NINL: variants seen among roughly 807,000 people sequenced by gnomAD.
NINL encodes ninein like, also known as ninein-like protein.
Under a neutral mutation model 160.3 loss-of-function variants are expected in NINL, and 153 were observed. The observed-to-expected ratio is 0.95, with a 90% confidence interval of 0.84 to 1.09. The LOEUF is 1.09. Ranked by LOEUF, NINL falls within the 50% of genes least tolerant of loss-of-function variation. The pLI, the probability that NINL is intolerant of heterozygous loss-of-function variation, is 0.00. For synonymous variants in NINL, 800 were observed against 734.8 expected (o/e 1.09, Z -1.43); for missense variants, 1,829 against 1,764.0 (o/e 1.04, Z -0.66).
rs2064360834 is a variant in NINL at position 25,526,418 on chromosome 20, T to C, written c.170A>G (p.His57Arg). ...VLLQTLLGND[H>R]FARVNFEEFK... ...AAGTCCAACACTCACCCTGGCGAAATGGTCGTTTCCGAGAAGCGTCTGCAG... is the reference window on the plus strand; with the variant it reads ...AAGTCCAACACTCACCCTGGCGAAACGGTCGTTTCCGAGAAGCGTCTGCAG... The change falls in exon 2 of 24, where the codon CAT (histidine) becomes CGT (arginine). Residue 57 changes from histidine (H) to arginine (R), a missense_variant. Transcript: ENST00000278886. The C allele has an allele frequency of 6.2e-7, 1 of 1,610,732 alleles. No homozygotes were observed. Among genetic ancestry groups the C allele is most frequent in the African/African-American group, 1.3e-5 (1 of 74,874 alleles).
At position 25,482,048 on chromosome 20, in the gene NINL, GCCCACAGGCCTT is replaced by G. The variant is rs748563439; in HGVS notation, c.1718_1729del (p.Glu573_Trp576del). On this transcript the variant is annotated inframe_deletion, in exon 14 of 24. Coordinates refer to ENST00000278886, the MANE Select transcript of NINL (RefSeq NM_025176.6). ...GCTGTGCCGGTTCTTGGGCAGCCGC[GCCCACAGGCCTT>G]CCAGCTCAGCTTGCAGCTCATCGTT... The G allele has an allele frequency of 6.9e-5, 111 of 1,598,396 alleles. No homozygotes were observed. Among genetic ancestry groups the G allele is most frequent in the Non-Finnish European group, 8.5e-5 (100 of 1,179,756 alleles).
chr20:25,558,325 A>G (rs2064893699), intron 1 of NINL, among the ~76,000 whole-genome samples: 1 of 152,104 alleles, frequency 6.6e-6, no homozygotes, highest in Non-Finnish European at 1.5e-5. Flanking sequence ...CTCCTGCCTC[A>G]GCCTCCCAAG....
intron 1 of NINL, among the ~76,000 whole-genome samples, chr20:25,555,291 A>G (rs1222084328): frequency 3.9e-5 from 6 of 152,092 alleles, no homozygotes; most frequent in Admixed American, 3.3e-4. Flanking sequence ...CCCCACAACA[A>G]AGCAGCCCAT....
Position 25,512,332 on chromosome 20 carries a change from A to G in NINL, c.450+502T>C, listed in dbSNP as rs557727970. On this transcript the variant is annotated intron_variant, in intron 4 of 23. Transcript: ENST00000278886. ...TTCTTCCCTTTTCTACTCTTAGCAC[A>G]TTGACGCTTCACTCCCATGAAGCCA... 3.9e-5 allele frequency among the ~76,000 whole-genome samples: 6 copies of G among 152,294 alleles called. No homozygotes were observed. The East Asian group carries it at 1.2e-3, about 29-fold the overall frequency.
intron 14 of NINL, among the ~76,000 whole-genome samples, chr20:25,480,697 C>A (rs1229832319): frequency 6.6e-6 from 1 of 152,160 alleles, no homozygotes; most frequent in Non-Finnish European, 1.5e-5. Flanking sequence ...TTTAGATAAC[C>A]TTTCCTTGGT....
At position 25,555,725 on chromosome 20, in the gene NINL, T is replaced by C. The variant is rs547451496; in HGVS notation, c.-11-29127A>G. On this transcript the variant is annotated intron_variant, in intron 1 of 23. Coordinates refer to ENST00000278886, the MANE Select transcript of NINL (RefSeq NM_025176.6). The stretch of plus-strand genomic sequence containing the variant: ...CTATCTTCCCTATTGCCCAGGCTGG[T>C]GTGCAATGGCACAATCTGGGCTCAC... 4.6e-5 allele frequency among the ~76,000 whole-genome samples: 7 copies of C among 152,142 alleles called. No individual in the cohort carries two copies. The East Asian group carries it at 1.4e-3, about 30-fold the overall frequency.
At chr20:25,500,056 T>TC (rs1464857718) in intron 8 of NINL, among the ~76,000 whole-genome samples, 4 of 147,608 alleles carry the variant, frequency 2.7e-5, no homozygotes, top group African/African-American at 1.0e-4. Flanking sequence ...TGTCGCCCCC[T>TC]CCAGGGAATA....
At position 25,453,465 on chromosome 20, in the gene NINL, C is replaced by T. The variant is rs1172991888; in HGVS notation, c.4135G>A (p.Ala1379Thr). The T allele has an allele frequency of 2.5e-6, 4 of 1,609,940 alleles. No homozygotes were observed. The highest frequency in any genetic ancestry group is 1.1e-5 in the South Asian group (1 of 90,500). The change falls in exon 24 of 24, where the codon GCC becomes ACC. Residue 1379 changes from alanine (A) to threonine (T), a missense_variant. By Grantham distance (58) the Ala-to-Thr change is moderately conservative. Coordinates refer to ENST00000278886, the MANE Select transcript of NINL (RefSeq NM_025176.6). ...NKLVSRIAPA[A>T]LSV is the part of the protein sequence containing the mutation. ...ATAATCTGTCTTTACACAGAGAGGG[C>T]TGCGGGGGCAATCCTACTGACGAGT...
At chr20:25,570,413 G>A (rs2147167845) in intron 1 of NINL, among the ~76,000 whole-genome samples, 1 of 152,154 alleles carries the variant, frequency 6.6e-6, no homozygotes, top group Non-Finnish European at 1.5e-5. Flanking sequence ...AAAGGCATGT[G>A]GCACCTCCTC....
At chr20:25,518,954 C>T (rs1008629171) in intron 2 of NINL, among the ~76,000 whole-genome samples, 2 of 151,932 alleles carry the variant, frequency 1.3e-5, no homozygotes, top group South Asian at 2.1e-4. Flanking sequence ...AAAAATTAGC[C>T]GGGCATGCTG....
At chr20:25,455,854 A>T in intron 22 of NINL, 68 bp from the exon 23 acceptor site, 1 of 1,326,862 alleles carries the variant, frequency 7.5e-7, no homozygotes, top group Non-Finnish European at 1.1e-6. Context: ...GCACTTTGGG[A>T]GGCCGAGGCG....
chr20:25,566,103 C>T (rs2064997571), intron 1 of NINL, among the ~76,000 whole-genome samples: 1 of 152,208 alleles, frequency 6.6e-6, no homozygotes, highest in Non-Finnish European at 1.5e-5. Flanking sequence ...GTCAGTTCTC[C>T]TAACACATCC....
At chr20:25,525,482 T>C (rs2064340791) in intron 2 of NINL, among the ~76,000 whole-genome samples, 2 of 151,972 alleles carry the variant, frequency 1.3e-5, no homozygotes, top group South Asian at 2.1e-4. Context: ...CAAAACCCCA[T>C]CTCTACAAAA....
At chr20:25,531,171 G>C (rs1034491363) in intron 1 of NINL, among the ~76,000 whole-genome samples, 3 of 152,184 alleles carry the variant, frequency 2.0e-5, no homozygotes, top group African/African-American at 4.8e-5. Context: ...GAGAAATATG[G>C]CTCTGTTCTG....
In NINL at chr20:25,476,496, C is replaced by T. The variant is rs1263436853; in HGVS notation, c.2795G>A (p.Gly932Glu). The change falls in exon 17 of 24, where the codon GGG (glycine) becomes GAG (glutamate). Residue 932 changes from glycine (G) to glutamate (E), a missense_variant. Physicochemically the swap from Gly to Glu is moderately conservative, Grantham distance 98. Coordinates refer to ENST00000278886, the MANE Select transcript of NINL (RefSeq NM_025176.6). The part of the protein sequence containing the change: ...EPEPFGASAA[G>E]LEQPGARELP... ...CTCCCGGGCTCCAGGCTGCTCCAGC[C>T]CCGCTGCGCTCGCGCCGAAAGGCTC... is the stretch of plus-strand genomic sequence containing the variant. 2 of 1,604,282 alleles carry T rather than the reference C, an allele frequency of 1.2e-6. No individual in the cohort carries two copies. Among genetic ancestry groups the T allele is most frequent in the Non-Finnish European group, 1.7e-6 (2 of 1,179,856 alleles).
chr20:25,492,528 T>C (rs1484196190), intron 10 of NINL, among the ~76,000 whole-genome samples: 1 of 152,042 alleles, frequency 6.6e-6, no homozygotes, highest in Non-Finnish European at 1.5e-5. Flanking sequence ...CTCAGCTCAC[T>C]GCAAACTCTG....
intron 1 of NINL, among the ~76,000 whole-genome samples, 173 bp from the exon 2 acceptor site, chr20:25,526,771 T>A (rs901390259): frequency 2.6e-5 from 4 of 152,138 alleles, no homozygotes; most frequent in African/African-American, 9.7e-5. Context: ...AGGACTCAGC[T>A]CCACCCTTGC....
intron 1 of NINL, among the ~76,000 whole-genome samples, chr20:25,569,736 G>A (rs6115213): frequency 0.4 from 60,959 of 152,076 alleles, 13,433 homozygotes; most frequent in East Asian, 0.91. Flanking sequence ...GCACGGAGGC[G>A]GAGGAAGCAG....
In NINL at chr20:25,462,440, C is replaced by T. The variant is rs1366298065; in HGVS notation, c.3525G>A (p.Val1175=). 3.1e-6 allele frequency: 5 copies of T among 1,614,064 alleles called. No individual in the cohort carries two copies. The highest frequency in any genetic ancestry group is 4.2e-6 in the Non-Finnish European group (5 of 1,180,042). ...GGCTCTGTGTTAACATCTGAATGGT[C>T]ACACGATGCTCCTCGTTTTGGGCCT... ...THQAQNEEHR[V]TIQMLTQSLE... The change falls in exon 20 of 24, where the codon GTG becomes GTA. Residue 1175 remains valine, a synonymous_variant. Coordinates refer to ENST00000278886, the MANE Select transcript of NINL (RefSeq NM_025176.6).
Sources: allele counts gnomAD v4.1 joint callset (sites outside exome capture counted in the v4.1 genomes callset), GRCh38; gene constraint gnomAD v4.1.1; transcripts MANE v1.5; gene names NCBI Gene and HGNC (gene_info 2026-07-23, HGNC 2026-07-21).